MLLT1: variants seen among roughly 807,000 people sequenced by gnomAD.
The protein encoded by MLLT1 is MLLT1 super elongation complex subunit, also known as protein ENL.
Under a neutral mutation model 55.1 loss-of-function variants are expected in MLLT1, and 11 were observed. The ratio of observed to expected loss-of-function variants is 0.20; its 90% CI spans 0.13 to 0.33. The LOEUF (loss-of-function observed/expected upper bound fraction) is 0.33, where lower values mean the gene tolerates loss of function less well. Ranked by LOEUF, MLLT1 falls within the 10% of genes least tolerant of loss-of-function variation. The pLI, the probability that MLLT1 is intolerant of heterozygous loss-of-function variation, is 1.00. For missense variants in MLLT1, 536 were observed against 760.6 expected (o/e 0.70, Z 3.47); for synonymous variants, 323 against 320.1 (o/e 1.01, Z -0.10).
chr19:6,239,664 C>T lies in MLLT1; in HGVS notation c.277-8951G>A, dbSNP rs1278156114. ...ACACTCATACACGTCCATACTCATCCCTCACCTACCTGTGTACAAACACAC... is the reference window on the plus strand; with the variant it reads ...ACACTCATACACGTCCATACTCATCTCTCACCTACCTGTGTACAAACACAC... On this transcript the variant is annotated intron_variant, in intron 3 of 11. Coordinates refer to ENST00000252674, the MANE Select transcript of MLLT1 (RefSeq NM_005934.4). Among the ~76,000 whole-genome samples, 3 of 151,986 alleles carry T rather than the reference C, an allele frequency of 2.0e-5. No individual in the cohort carries two copies. In the East Asian group the frequency reaches 5.8e-4, roughly 29 times the overall value.
At chr19:6,258,068 C>T (rs563175810) in intron 3 of MLLT1, among the ~76,000 whole-genome samples, 6 of 152,260 alleles carry the variant, frequency 3.9e-5, no homozygotes, top group African/African-American at 9.6e-5. Flanking sequence ...CACTGGAAAA[C>T]GGCTTAGCAG....
chr19:6,217,720 G>A (rs576677501), intron 7 of MLLT1, among the ~76,000 whole-genome samples: 2 of 152,350 alleles, frequency 1.3e-5, no homozygotes, highest in Admixed American at 1.3e-4. Context: ...CAGGCACGGG[G>A]TGCATGCCAA....
At chr19:6,255,842 C>T (rs974490277) in intron 3 of MLLT1, among the ~76,000 whole-genome samples, 1 of 152,204 alleles carries the variant, frequency 6.6e-6, no homozygotes. Context: ...AAACTTCCTA[C>T]AAGGCTGGGC....
intron 2 of MLLT1, among the ~76,000 whole-genome samples, chr19:6,269,109 C>T (rs1042607881): frequency 1.3e-5 from 2 of 152,206 alleles, no homozygotes; most frequent in African/African-American, 4.8e-5. Flanking sequence ...CAGCCAGGCT[C>T]CTGCTCTGCC....
chr19:6,224,458 C>T (rs1417465118), intron 5 of MLLT1, among the ~76,000 whole-genome samples: 2 of 152,246 alleles, frequency 1.3e-5, no homozygotes, highest in Non-Finnish European at 2.9e-5. Context: ...TGCCACCTGC[C>T]ACCCTGGCCT....
chr19:6,240,627 C>T lies in MLLT1; in HGVS notation c.277-9914G>A, dbSNP rs1218949252. Among the ~76,000 whole-genome samples the T allele has an allele frequency of 3.9e-5, 6 of 152,144 alleles. No homozygotes were observed. In the South Asian group the frequency reaches 6.2e-4, roughly 16 times the overall value. ...GCAAACCACGAGACTGAGAGCACCA[C>T]GGAACCCTACAGCTCTCAGATTCAA... On this transcript the variant is annotated intron_variant, in intron 3 of 11. Transcript: ENST00000252674. This position sits in a 1 kb window ranked among gnomAD's most constrained non-coding sequence, Gnocchi z 4.7.
At position 6,212,890 on chromosome 19, in the gene MLLT1, C is replaced by T. The variant is rs2090794445; in HGVS notation, c.*152G>A. On this transcript the variant is annotated 3_prime_UTR_variant, in exon 12 of 12. Coordinates refer to ENST00000252674, the MANE Select transcript of MLLT1 (RefSeq NM_005934.4). ...TGGAGCGGGGAGAGTGGGCAGGGAG[C>T]CGCCGAGGAAAGTGCAGCGGGCTGT... The T allele has an allele frequency of 2.7e-6, 3 of 1,092,096 alleles. No homozygotes were observed. The highest frequency in any genetic ancestry group is 1.6e-5 in the African/African-American group (1 of 62,110). The allele number at this position is 1,092,096 out of a possible 1,614,324, so 67.7% of individuals were successfully genotyped here. A position where few individuals can be genotyped will look rare whatever the true frequency, so the allele number is the denominator to read the frequency against.
Position 6,240,896 on chromosome 19 carries a change from C to A in MLLT1, c.277-10183G>T, listed in dbSNP as rs866289633. Among the ~76,000 whole-genome samples the A allele has an allele frequency of 2.6e-4, 40 of 152,110 alleles. No individual in the cohort carries two copies. The highest frequency in any genetic ancestry group is 9.4e-4 in the African/African-American group (39 of 41,406). Reference sequence around the variant, plus strand: ...CAGACACCACATTTTAAAATGCTCTCCATGGAAACAGACGTTTTTAGACTT... The same window carrying A: ...CAGACACCACATTTTAAAATGCTCTACATGGAAACAGACGTTTTTAGACTT... On this transcript the variant is annotated intron_variant, in intron 3 of 11. Coordinates refer to ENST00000252674, the MANE Select transcript of MLLT1 (RefSeq NM_005934.4). The surrounding 1 kb of genome is among the most constrained non-coding windows in gnomAD (Gnocchi z 4.7).
Position 6,231,111 on chromosome 19 carries a change from C to T in MLLT1, c.277-398G>A, listed in dbSNP as rs1364018471. On this transcript the variant is annotated intron_variant, in intron 3 of 11. Transcript: ENST00000252674. This position sits in a 1 kb window ranked among gnomAD's most constrained non-coding sequence, Gnocchi z 5.1. ...CCCACAATCTCACCACCTCTATTCCCCACTTCCTTTGCAGCCAGGGCCAAG... is the reference window on the plus strand; with the variant it reads ...CCCACAATCTCACCACCTCTATTCCTCACTTCCTTTGCAGCCAGGGCCAAG... Among the ~76,000 whole-genome samples the T allele has an allele frequency of 6.6e-6, 1 of 152,208 alleles. No homozygotes were observed. Among genetic ancestry groups the T allele is most frequent in the Non-Finnish European group, 1.5e-5 (1 of 68,034 alleles).
Position 6,245,442 on chromosome 19 carries a change from G to A in MLLT1, c.277-14729C>T, listed in dbSNP as rs527895360. On this transcript the variant is annotated intron_variant, in intron 3 of 11. Coordinates refer to ENST00000252674, the MANE Select transcript of MLLT1 (RefSeq NM_005934.4). ...ACCGGATGTGAGGGCCGGGCACAGT[G>A]GCTCACGCCTGTAAACTCAGCACTT... Among the ~76,000 whole-genome samples the A allele has an allele frequency of 2.0e-5, 3 of 151,828 alleles. No homozygotes were observed. The East Asian group carries it at 5.9e-4, about 30-fold the overall frequency.
At chr19:6,221,338 C>T (rs942837477) in intron 6 of MLLT1, among the ~76,000 whole-genome samples, 2 of 152,222 alleles carry the variant, frequency 1.3e-5, no homozygotes, top group African/African-American at 4.8e-5. Context: ...GACACCACCG[C>T]CGTCCCAGGC....
In MLLT1 at chr19:6,211,570, G is replaced by A. The variant is rs1000346290; in HGVS notation, c.*1472C>T. ...AGGCTGGGGAGGAGGAGACATCTAG[G>A]TGGGTTCGAGGGGGTGCGAGCCCAC... is the stretch of plus-strand genomic sequence containing the variant. On this transcript the variant is annotated 3_prime_UTR_variant, in exon 12 of 12. Coordinates refer to ENST00000252674, the MANE Select transcript of MLLT1 (RefSeq NM_005934.4). The surrounding 1 kb of genome is among the most constrained non-coding windows in gnomAD (Gnocchi z 4.6). 1.1e-5 allele frequency: 12 copies of A among 1,059,670 alleles called. No homozygotes were observed. Among genetic ancestry groups the A allele is most frequent in the African/African-American group, 1.6e-5 (1 of 60,932 alleles). The allele number at this position is 1,059,670 out of a possible 1,614,324, so 65.6% of individuals were successfully genotyped here.
intron 3 of MLLT1, among the ~76,000 whole-genome samples, chr19:6,238,598 G>A (rs2091084641): frequency 6.6e-6 from 1 of 152,230 alleles, no homozygotes; most frequent in Non-Finnish European, 1.5e-5. Context: ...TTGGCCCCCA[G>A]CCTGCCTCAC....
In MLLT1 at chr19:6,227,487, G is replaced by A. The variant is rs1264419020; in HGVS notation, c.421-385C>T. ...GGGGAACAGCTCAGAAGTGTGAGAG[G>A]CCAGCCAGATGCCTGCGAAAGGCAG... On this transcript the variant is annotated intron_variant, in intron 4 of 11. Transcript: ENST00000252674. The surrounding 1 kb of genome is among the most constrained non-coding windows in gnomAD (Gnocchi z 5.1). 6.6e-6 allele frequency among the ~76,000 whole-genome samples: 1 copy of A among 152,222 alleles called. No homozygotes were observed. Among genetic ancestry groups the A allele is most frequent in the African/African-American group, 2.4e-5 (1 of 41,474 alleles).
At chr19:6,247,420 A>T (rs2091179100) in intron 3 of MLLT1, among the ~76,000 whole-genome samples, 1 of 152,214 alleles carries the variant, frequency 6.6e-6, no homozygotes, top group Non-Finnish European at 1.5e-5. Flanking sequence ...GGGAACATGA[A>T]ATGACAGGCC....
chr19:6,214,004 C>A lies in MLLT1; in HGVS notation c.1342G>T (p.Ala448Ser), dbSNP rs747549429. The A allele has an allele frequency of 1.4e-6, 2 of 1,452,758 alleles. No homozygotes were observed. Among genetic ancestry groups the A allele is most frequent in the Non-Finnish European group, 1.8e-6 (2 of 1,104,032 alleles). The allele number at this position is 1,452,758 out of a possible 1,614,324, so 90.0% of individuals were successfully genotyped here. Residue 448 changes from alanine to serine, a missense_variant, in exon 9 of 12, where the codon GCC becomes TCC. Ala to Ser is a moderately conservative substitution (Grantham distance 99, BLOSUM62 1). This residue lies in a region of MLLT1 where 449 missense variants were observed against 489.0 expected (regional missense o/e 0.92). Coordinates refer to ENST00000252674, the MANE Select transcript of MLLT1 (RefSeq NM_005934.4). ...SFSDSESDNS[A>S]DSSLPSREPP... is the part of the protein sequence containing the mutation. ...TCACGGCTGGGCAGGGAGGAGTCGG[C>A]GCTGTTGTCACTCTCGCTGTCGCTG...
At chr19:6,269,924 G>A (rs1251712682) in intron 2 of MLLT1, among the ~76,000 whole-genome samples, 1 of 152,120 alleles carries the variant, frequency 6.6e-6, no homozygotes, top group East Asian at 1.9e-4. Context: ...CCCTGATGGC[G>A]CTCACCAGAC....
intron 2 of MLLT1, among the ~76,000 whole-genome samples, chr19:6,269,199 C>A (rs909674973): frequency 2.0e-4 from 31 of 152,274 alleles, no homozygotes; most frequent in Admixed American, 6.5e-5. Flanking sequence ...GCTGCACTGG[C>A]AGTGGCCAGA....
intron 3 of MLLT1, among the ~76,000 whole-genome samples, chr19:6,249,123 A>G (rs1419588188): frequency 2.0e-5 from 3 of 152,206 alleles, no homozygotes; most frequent in African/African-American, 7.2e-5. Context: ...CAAGTATAAT[A>G]AACAGACTGA....
Sources: gnomAD v4.1 joint callset for allele counts (sites outside exome capture counted in the v4.1 genomes callset) on GRCh38, gnomAD v4.1.1 for gene constraint, gnomAD v4.1.1 regional missense constraint, Gnocchi (gnomAD v3.1) non-coding constraint, MANE v1.5 for transcripts, NCBI Gene and HGNC (gene_info 2026-07-23, HGNC 2026-07-21) for gene names.